PARD3: variants seen among roughly 807,000 people sequenced by gnomAD.
PARD3 encodes partitioning defective 3 homolog.
In PARD3, 75 loss-of-function variants were observed where a neutral mutation model predicts 155.4. The ratio of observed to expected loss-of-function variants is 0.48; its 90% confidence interval spans 0.40 to 0.58. The LOEUF is 0.58. PARD3 is among the 20% of genes least tolerant of loss of function. PARD3 has a pLI of 0.00. For missense variants in PARD3, 1,642 were observed against 1,721.7 expected (o/e 0.95, Z 0.82); for synonymous variants, 576 against 610.5 (o/e 0.94, Z 0.83).
At chr10:34,388,178 C>T (rs1183595226) in intron 7 of PARD3, among the ~76,000 whole-genome samples, 1 of 152,158 alleles carries the variant, frequency 6.6e-6, no homozygotes, top group Non-Finnish European at 1.5e-5. Context: ...AGGGAACAGA[C>T]TGAATTAAGG....
chr10:34,279,477 A>G lies in PARD3; in HGVS notation c.3176+4658T>C, dbSNP rs576009566. ...AAAGGATTCACGAGGTCAAAGAAAC[A>G]TGAAAAATGCTGCTACAGGATAGAA... On this transcript the variant is annotated intron_variant, in intron 21 of 24. Transcript: ENST00000374788. Among the ~76,000 whole-genome samples, 6 of 152,316 alleles carry G rather than the reference A, an allele frequency of 3.9e-5. No individual in the cohort carries two copies. In the South Asian group the frequency reaches 1.2e-3, roughly 32 times the overall value.
chr10:34,360,079 C>A lies in PARD3; in HGVS notation c.1888G>T (p.Ala630Ser). 1 of 1,613,176 alleles carries A rather than the reference C, an allele frequency of 6.2e-7. No homozygotes were observed. ...FVKSIINGGA[A>S]SKDGRLRVND... ...ATAAAGTTGACACTCACTTTAGATG[C>A]TGCTCCTCCATTAATAATGGACTTG... Residue 630 changes from alanine to serine, a missense_variant, in exon 13 of 25, where the codon GCA becomes TCA. By Grantham distance (99) the Ala-to-Ser change is moderately conservative. Transcript: ENST00000374788.
intron 2 of PARD3, among the ~76,000 whole-genome samples, chr10:34,644,850 C>T (rs1380190296): frequency 6.6e-6 from 1 of 152,022 alleles, no homozygotes; most frequent in Non-Finnish European, 1.5e-5. Flanking sequence ...GGTAAAACTA[C>T]ATGTTTTATT....
intron 1 of PARD3, among the ~76,000 whole-genome samples, chr10:34,750,373 T>A (rs1389245297): frequency 6.6e-6 from 1 of 151,846 alleles, no homozygotes; most frequent in Non-Finnish European, 1.5e-5. Flanking sequence ...TGATTATTTT[T>A]AAAATAAAAT....
chr10:34,406,553 C>T (rs1844496241), intron 5 of PARD3, among the ~76,000 whole-genome samples: 2 of 151,958 alleles, frequency 1.3e-5, no homozygotes, highest in Admixed American at 1.3e-4. Context: ...TCTTTCATTC[C>T]CCTTTAGTTT....
Position 34,390,998 on chromosome 10 carries a change from C to T in PARD3, c.891-6744G>A, listed in dbSNP as rs71487362. Among the ~76,000 whole-genome samples the T allele has an allele frequency of 3.1e-3, 473 of 152,316 alleles. 1 individual carries two copies. Among genetic ancestry groups the T allele is most frequent in the Non-Finnish European group, 5.5e-3 (372 of 68,028 alleles). ...AATAAGATCCTACAGGTTCTGCTGA[C>T]TCCCCCATTGAGTGGCAGGGCTCAA... On this transcript the variant is annotated intron_variant, in intron 7 of 24. Coordinates refer to ENST00000374788, the MANE Select transcript of PARD3 (RefSeq NM_001184785.2).
At chr10:34,632,554 A>C (rs532333045) in intron 2 of PARD3, among the ~76,000 whole-genome samples, 1 of 152,338 alleles carries the variant, frequency 6.6e-6, no homozygotes, top group South Asian at 2.1e-4. Flanking sequence ...CGATGTAGGT[A>C]AACACAGATA....
chr10:34,345,988 T>C (rs973606284), intron 15 of PARD3: 3 of 984,776 alleles, frequency 3.0e-6, no homozygotes, highest in Non-Finnish European at 3.6e-6. Flanking sequence ...GTAAAAATTA[T>C]CTTAAGAAAA....
intron 1 of PARD3, among the ~76,000 whole-genome samples, chr10:34,741,112 G>A (rs886111570): frequency 1.3e-5 from 2 of 149,964 alleles, no homozygotes; most frequent in African/African-American, 4.9e-5. Flanking sequence ...TCTAAAGGCA[G>A]TAAAATGCCA....
intron 1 of PARD3, among the ~76,000 whole-genome samples, chr10:34,696,939 C>T (rs1403708397): frequency 2.0e-5 from 3 of 151,422 alleles, no homozygotes; most frequent in Non-Finnish European, 4.4e-5. Flanking sequence ...CTGACAAGAC[C>T]GTAGTGAACA....
chr10:34,667,527 A>G (rs752823146), intron 2 of PARD3, among the ~76,000 whole-genome samples: 30 of 152,240 alleles, frequency 2.0e-4, no homozygotes, highest in Non-Finnish European at 2.2e-4. Context: ...CTGAACCATA[A>G]AAACACAATG....
intron 5 of PARD3, among the ~76,000 whole-genome samples, chr10:34,436,777 A>T (rs1029401695): frequency 1.3e-5 from 2 of 152,216 alleles, no homozygotes; most frequent in Middle Eastern, 3.2e-3. Context: ...GACACCTTTT[A>T]TGTGTCAGTC....
intron 1 of PARD3, among the ~76,000 whole-genome samples, chr10:34,757,471 A>G (rs1372246986): frequency 6.6e-6 from 1 of 152,118 alleles, no homozygotes; most frequent in Non-Finnish European, 1.5e-5. Flanking sequence ...TTGGGAGGCC[A>G]AGGCAGGCAG....
At chr10:34,249,158 A>G (rs1485823312) in intron 22 of PARD3, among the ~76,000 whole-genome samples, 1 of 152,296 alleles carries the variant, frequency 6.6e-6, no homozygotes, top group East Asian at 1.9e-4. Context: ...ATACATATAC[A>G]TCTACATCTA....
chr10:34,483,143 C>G (rs545220878), intron 3 of PARD3, among the ~76,000 whole-genome samples: 1 of 151,792 alleles, frequency 6.6e-6, no homozygotes, highest in Non-Finnish European at 1.5e-5. Context: ...GCAAGAAGAG[C>G]GAAACTCCAT....
chr10:34,175,700 T>C (rs534026033), intron 22 of PARD3, among the ~76,000 whole-genome samples: 35 of 152,228 alleles, frequency 2.3e-4, no homozygotes, highest in Non-Finnish European at 4.6e-4. Flanking sequence ...AAGCAAGTAC[T>C]TTCCCTTGTA....
At chr10:34,656,168 C>T (rs545205523) in intron 2 of PARD3, among the ~76,000 whole-genome samples, 3 of 152,102 alleles carry the variant, frequency 2.0e-5, no homozygotes, top group Non-Finnish European at 4.4e-5. Context: ...CACTGCCCCC[C>T]ATAAACCACA....
At chr10:34,781,840 T>C (rs1052441113) in intron 1 of PARD3, among the ~76,000 whole-genome samples, 9 of 152,226 alleles carry the variant, frequency 5.9e-5, no homozygotes, top group Admixed American at 2.6e-4. Context: ...CACTGTGCTC[T>C]ATCGGATAAT....
Position 34,221,023 on chromosome 10 carries a change from A to G in PARD3, c.3419+48634T>C, listed in dbSNP as rs536621856. The stretch of plus-strand genomic sequence containing the variant: ...GCTCCCAAAAGCAGTGCCATCCCCA[A>G]TATCTTCCCTTCCTGCAGGGCTGGG... On this transcript the variant is annotated intron_variant, in intron 22 of 24. Transcript: ENST00000374788. 1.1e-4 allele frequency among the ~76,000 whole-genome samples: 16 copies of G among 152,310 alleles called. No individual in the cohort carries two copies. In the East Asian group the frequency reaches 2.9e-3, roughly 28 times the overall value.
Sources: gnomAD v4.1 joint callset for allele counts (sites outside exome capture counted in the v4.1 genomes callset) on GRCh38, gnomAD v4.1.1 for gene constraint, MANE v1.5 for transcripts, NCBI Gene and HGNC (gene_info 2026-07-23, HGNC 2026-07-21) for gene names.